The following FGF13 variants were observed in gnomAD, a reference collection of about 807,000 sequenced individuals.
The protein encoded by FGF13 is fibroblast growth factor 13.
A neutral mutation model predicts 19.5 loss-of-function variants in FGF13; 2 were observed. That is an observed-to-expected ratio of 0.10 (90% confidence interval 0.04 to 0.32). The LOEUF is 0.32. FGF13 is among the 10% of genes least tolerant of loss of function. The probability of loss-of-function intolerance (pLI) is 1.00; values close to 1 mark genes in which losing one functional copy is unlikely to be tolerated. For missense variants in FGF13, 113 were observed against 192.7 expected (o/e 0.59, Z 2.45); for synonymous variants, 72 against 76.9 (o/e 0.94, Z 0.33).
intron 1 of FGF13, among the ~76,000 whole-genome samples, chrX:138,735,444 T>C (rs922048416): frequency 8.9e-6 from 1 of 111,943 alleles, no homozygotes; most frequent in Middle Eastern, 4.2e-3. Flanking sequence ...TTCAGCGGCA[T>C]GTTGAACTAA....
chrX:139,195,719 C>T (rs2148280517), intron 1 of FGF13, among the ~76,000 whole-genome samples: 1 of 112,604 alleles, frequency 8.9e-6, no homozygotes. Context: ...TGATTCCCAA[C>T]TTCGAGAACT....
chrX:138,832,189 G>A (rs149109429), intron 3 of FGF13, among the ~76,000 whole-genome samples: 1 of 112,236 alleles, frequency 8.9e-6, no homozygotes, highest in Non-Finnish European at 1.9e-5. Context: ...TAATGGGATT[G>A]TTGAGTTGAA....
intron 1 of FGF13, among the ~76,000 whole-genome samples, chrX:139,117,897 A>G (rs1031826871): frequency 1.8e-5 from 2 of 111,412 alleles, no homozygotes; most frequent in Non-Finnish European, 3.8e-5. Flanking sequence ...TCCTCTTCAT[A>G]TTATCTCCTT....
chrX:138,913,221 C>T (rs1436666754), intron 1 of FGF13, among the ~76,000 whole-genome samples: 1 of 71,922 alleles, frequency 1.4e-5, no homozygotes, highest in Admixed American at 2.3e-4. Context: ...GATGGAGTCT[C>T]ACTCTGTTGA....
At chrX:139,169,412 T>C (rs919811029) in intron 1 of FGF13, among the ~76,000 whole-genome samples, 2 of 111,113 alleles carry the variant, frequency 1.8e-5, no homozygotes, top group African/African-American at 6.6e-5. Flanking sequence ...ACAATGGCCC[T>C]GTCTCCAGCT....
chrX:138,637,922 T>C (rs181072376), intron 3 of FGF13, among the ~76,000 whole-genome samples: 6 of 111,866 alleles, frequency 5.4e-5, no homozygotes, highest in South Asian at 7.6e-4. Flanking sequence ...ACACTTCCTC[T>C]ACTTTTCCTG....
chrX:138,860,950 T>TGTGCAA (rs759333685), intron 2 of FGF13, among the ~76,000 whole-genome samples: 2 of 112,539 alleles, frequency 1.8e-5, no homozygotes, highest in Non-Finnish European at 3.8e-5. Flanking sequence ...CAAGTGCACA[T>TGTGCAA]GTGCAAATCC....
chrX:138,951,719 A>T (rs2091813729), intron 1 of FGF13, among the ~76,000 whole-genome samples: 1 of 111,770 alleles, frequency 8.9e-6, no homozygotes, highest in African/African-American at 3.2e-5. Context: ...GCTAAAATTT[A>T]AAAAACTACA....
intron 3 of FGF13, among the ~76,000 whole-genome samples, chrX:138,659,503 T>C (rs2089469043): frequency 9.0e-6 from 1 of 111,689 alleles, no homozygotes; most frequent in African/African-American, 3.3e-5. Context: ...AGTGTGGCCA[T>C]TCCTCGAGGA....
At chrX:138,652,418 G>C (rs1410789151) in intron 3 of FGF13, among the ~76,000 whole-genome samples, 3 of 111,385 alleles carry the variant, frequency 2.7e-5, no homozygotes, top group Non-Finnish European at 3.8e-5. Flanking sequence ...GCTCCCTGTG[G>C]GCAAGGATTA....
chrX:138,910,847 A>T (rs1479649717), intron 1 of FGF13, among the ~76,000 whole-genome samples: 1 of 112,400 alleles, frequency 8.9e-6, no homozygotes, highest in Non-Finnish European at 1.9e-5. Context: ...ATTGAAATCC[A>T]GGCTGATCTG....
intron 1 of FGF13, among the ~76,000 whole-genome samples, chrX:138,879,752 A>C (rs1467979619): frequency 9.2e-6 from 1 of 108,438 alleles, no homozygotes; most frequent in Admixed American, 1.0e-4. Flanking sequence ...AGTCAATGCC[A>C]TTCAGCACAT....
chrX:138,644,010 T>C (rs2089279093), intron 3 of FGF13, among the ~76,000 whole-genome samples: 1 of 111,957 alleles, frequency 8.9e-6, no homozygotes, highest in Admixed American at 9.5e-5. Flanking sequence ...GGGATCTAAA[T>C]CCAGCTGCAA....
chrX:138,903,153 T>C (rs1434990078), intron 1 of FGF13, among the ~76,000 whole-genome samples: 1 of 111,793 alleles, frequency 8.9e-6, no homozygotes, highest in East Asian at 2.8e-4. Context: ...AATTTTAAGG[T>C]TGATATACTA....
downstream of FGF13, among the ~76,000 whole-genome samples, chrX:138,856,603 T>C (rs992389252): frequency 8.9e-6 from 1 of 112,172 alleles, no homozygotes; most frequent in East Asian, 2.8e-4. Flanking sequence ...ATTTTGTCAC[T>C]TCCAAATGTT....
chrX:139,182,966 CA>C (rs2084251995), intron 1 of FGF13, among the ~76,000 whole-genome samples: 2 of 111,425 alleles, frequency 1.8e-5, no homozygotes, highest in South Asian at 7.6e-4. Context: ...GAGGCTCACT[CA>C]AGGGCACCCA....
At position 138,620,361 on chromosome X, in the gene FGF13, T is replaced by C. The variant is rs1441786807; in HGVS notation, c.*12489A>G. On this transcript the variant is annotated 3_prime_UTR_variant, in exon 5 of 5. Coordinates refer to ENST00000315930, the MANE Select transcript of FGF13 (RefSeq NM_004114.5). ...AGATACTATTAGGAAAAATAGCTAA[T>C]GCATGCTTGGCTGAACACCTCAGTG... is the stretch of plus-strand genomic sequence containing the variant. The C allele has an allele frequency of 9.0e-6, 1 of 110,987 alleles. No homozygotes were observed. The highest frequency in any genetic ancestry group is 3.3e-5 in the African/African-American group (1 of 30,445). The allele number at this position is 110,987 out of a possible 1,213,427, so 9.1% of individuals were successfully genotyped here.
intron 3 of FGF13, among the ~76,000 whole-genome samples, chrX:138,675,032 C>T (rs761530450): frequency 2.7e-5 from 3 of 111,361 alleles, no homozygotes; most frequent in East Asian, 5.7e-4. Flanking sequence ...ACTAAAGAGT[C>T]GTGTACAGTA....
chrX:139,100,058 A>ACACACACG (rs1556361892), intron 1 of FGF13, among the ~76,000 whole-genome samples: 1 of 104,220 alleles, frequency 9.6e-6, no homozygotes, highest in Non-Finnish European at 1.9e-5. Context: ...ACACACACAC[A>ACACACACG]CACACACACA....
Sources: allele counts gnomAD v4.1 joint callset (sites outside exome capture counted in the v4.1 genomes callset), GRCh38; gene constraint gnomAD v4.1.1; transcripts MANE v1.5; gene names NCBI Gene and HGNC (gene_info 2026-07-23, HGNC 2026-07-21).